The following ENTHD1 variants were observed in gnomAD, a reference collection of about 807,000 sequenced individuals.
ENTHD1 encodes the protein ENTH domain-containing protein 1.
In ENTHD1, 23 loss-of-function variants were observed where a neutral mutation model predicts 39.1. That is an observed-to-expected ratio of 0.59 (90% CI 0.42 to 0.83). ENTHD1 has a LOEUF of 0.83. ENTHD1 is among the 40% of genes least tolerant of loss of function. The pLI is 0.00. For missense variants in ENTHD1, 624 were observed against 705.4 expected (o/e 0.88, Z 1.31); for synonymous variants, 230 against 258.2 (o/e 0.89, Z 1.05).
intron 6 of ENTHD1, among the ~76,000 whole-genome samples, chr22:39,754,523 T>C (rs1054668392): frequency 1.3e-5 from 2 of 152,222 alleles, no homozygotes; most frequent in African/African-American, 4.8e-5. Context: ...ACTGAGGCCA[T>C]TACTCACAGT....
intron 5 of ENTHD1, among the ~76,000 whole-genome samples, chr22:39,806,971 A>G (rs913412533): frequency 3.3e-5 from 5 of 152,184 alleles, no homozygotes; most frequent in Non-Finnish European, 2.9e-5. Flanking sequence ...CTGGAACATC[A>G]GAGGCTGGGG....
At chr22:39,760,095 A>G (rs900732517) in intron 6 of ENTHD1, among the ~76,000 whole-genome samples, 3 of 152,046 alleles carry the variant, frequency 2.0e-5, no homozygotes, top group Non-Finnish European at 4.4e-5. Flanking sequence ...AAAAAAGAAA[A>G]ATAATGTATT....
intron 5 of ENTHD1, among the ~76,000 whole-genome samples, chr22:39,806,573 G>T (rs2065642451): frequency 6.6e-6 from 1 of 152,164 alleles, no homozygotes; most frequent in Non-Finnish European, 1.5e-5. Context: ...ATTTACTGGG[G>T]CATTTACTAT....
intron 5 of ENTHD1, among the ~76,000 whole-genome samples, chr22:39,767,830 T>C (rs1280651714): frequency 6.6e-6 from 1 of 152,152 alleles, no homozygotes; most frequent in Non-Finnish European, 1.5e-5. Context: ...GTAAAAAAGT[T>C]TAAAATGAAA....
chr22:39,882,770 T>C (rs1209893092), intron 2 of ENTHD1, among the ~76,000 whole-genome samples: 4 of 151,932 alleles, frequency 2.6e-5, no homozygotes, highest in Non-Finnish European at 5.9e-5. Context: ...TTTGGGAGGC[T>C]GAGGTGGGTG....
intron 4 of ENTHD1, among the ~76,000 whole-genome samples, chr22:39,832,473 C>G (rs1276388969): frequency 6.6e-6 from 1 of 152,028 alleles, no homozygotes; most frequent in Non-Finnish European, 1.5e-5. Flanking sequence ...TTAAAAATGA[C>G]AGAGTAATCC....
intron 5 of ENTHD1, among the ~76,000 whole-genome samples, chr22:39,819,381 C>A (rs112676741): frequency 0.029 from 2,943 of 103,230 alleles, 100 homozygotes; most frequent in African/African-American, 0.094. Context: ...AAAACAAAAA[C>A]AAAAAAAGAA....
intron 2 of ENTHD1, among the ~76,000 whole-genome samples, chr22:39,880,808 G>C (rs1405861519): frequency 6.6e-6 from 1 of 152,146 alleles, no homozygotes; most frequent in African/African-American, 2.4e-5. Context: ...CATGCTGACA[G>C]GATGGAGTAA....
intron 4 of ENTHD1, among the ~76,000 whole-genome samples, 183 bp from the exon 5 acceptor site, chr22:39,821,296 C>T (rs949267785): frequency 2.0e-5 from 3 of 152,072 alleles, no homozygotes; most frequent in Admixed American, 6.5e-5. Flanking sequence ...TTTGTGCCCT[C>T]GGGAATCCCC....
intron 1 of ENTHD1, among the ~76,000 whole-genome samples, chr22:39,890,219 GA>G (rs1184202609): frequency 1.3e-5 from 2 of 151,908 alleles, no homozygotes; most frequent in Non-Finnish European, 2.9e-5. Flanking sequence ...ACCCTAGGAA[GA>G]AAAAGAGAAG....
Position 39,765,219 on chromosome 22 carries a change from T to A in ENTHD1, c.1219+4A>T. 1 of 1,580,418 alleles carries A rather than the reference T, an allele frequency of 6.3e-7. No homozygotes were observed. The highest frequency in any genetic ancestry group is 8.6e-7 in the Non-Finnish European group (1 of 1,163,016). On this transcript the variant is annotated splice_donor_region_variant and intron_variant, in intron 6 of 6. Coordinates refer to ENST00000325157, the MANE Select transcript of ENTHD1 (RefSeq NM_152512.4). ...GTGTGTGTGTGTGTGTTTGGCAGAC[T>A]CACCCCGTGTGGTTGTCTTGAGGAT... is the stretch of plus-strand genomic sequence containing the variant.
At chr22:39,766,717 T>C (rs1484969324) in intron 5 of ENTHD1, among the ~76,000 whole-genome samples, 2 of 152,220 alleles carry the variant, frequency 1.3e-5, no homozygotes, top group Non-Finnish European at 1.5e-5. Context: ...TTTTGGGCTC[T>C]GAGTTATTAA....
intron 6 of ENTHD1, among the ~76,000 whole-genome samples, chr22:39,755,589 G>A (rs1341200709): frequency 2.0e-5 from 3 of 152,002 alleles, no homozygotes; most frequent in African/African-American, 7.2e-5. Context: ...TCCTTTGCTT[G>A]GAATGCCCTT....
chr22:39,890,148 AAAAAAG>A (rs916715879), intron 1 of ENTHD1, among the ~76,000 whole-genome samples: 1 of 149,664 alleles, frequency 6.7e-6, no homozygotes, highest in Admixed American at 6.6e-5. Flanking sequence ...ATAAATAAAT[AAAAAAG>A]AAAATGTATT....
At chr22:39,759,790 A>G (rs1013772910) in intron 6 of ENTHD1, among the ~76,000 whole-genome samples, 1 of 151,978 alleles carries the variant, frequency 6.6e-6, no homozygotes, top group Non-Finnish European at 1.5e-5. Context: ...ATTGTTTGAA[A>G]TATTTTCTCA....
Position 39,887,505 on chromosome 22 carries a change from T to C in ENTHD1, c.244A>G (p.Ile82Val), listed in dbSNP as rs2066388817. Residue 82 changes from isoleucine (I) to valine (V), a missense_variant, in exon 2 of 7, where the codon ATC becomes GTC. Coordinates refer to ENST00000325157, the MANE Select transcript of ENTHD1 (RefSeq NM_152512.4). ...YKSLTLMDYLIKNGSKKVIQH... is the reference protein window; with the variant it reads ...YKSLTLMDYLVKNGSKKVIQH... ...ATAACTTTCTTTGATCCATTCTTGA[T>C]GAGATAATCCATTAGGGTAAGGGAT... is the stretch of plus-strand genomic sequence containing the variant. The C allele has an allele frequency of 5.0e-6, 8 of 1,614,234 alleles. No individual in the cohort carries two copies. In the East Asian group the frequency reaches 1.1e-4, roughly 22 times the overall value.
intron 3 of ENTHD1, among the ~76,000 whole-genome samples, chr22:39,837,041 TTC>T (rs2065912135): frequency 6.6e-6 from 1 of 152,248 alleles, no homozygotes; most frequent in Admixed American, 6.5e-5. Flanking sequence ...AAACTGATAT[TTC>T]TGTTTATATC....
intron 5 of ENTHD1, among the ~76,000 whole-genome samples, chr22:39,776,028 T>C (rs569637060): frequency 5.9e-5 from 9 of 151,896 alleles, no homozygotes; most frequent in Non-Finnish European, 1.3e-4. Flanking sequence ...CTGAGGACCA[T>C]AGGCACATGC....
chr22:39,876,513 C>CT (rs1372802084), intron 2 of ENTHD1, among the ~76,000 whole-genome samples: 105 of 117,856 alleles, frequency 8.9e-4, no homozygotes, highest in Non-Finnish European at 1.6e-3. Flanking sequence ...AACGGGTCAT[C>CT]TAAAAAAAAA....
Sources: allele counts gnomAD v4.1 joint callset (sites outside exome capture counted in the v4.1 genomes callset), GRCh38; gene constraint gnomAD v4.1.1; transcripts MANE v1.5; gene names NCBI Gene and HGNC (gene_info 2026-07-23, HGNC 2026-07-21).